The following NEK5 variants were observed in gnomAD, a reference collection of about 807,000 sequenced individuals.
NEK5 encodes serine/threonine-protein kinase Nek5.
NEK5 carries 88 observed loss-of-function variants against 109.2 expected under a neutral mutation model. The ratio of observed to expected loss-of-function variants is 0.81; its 90% CI spans 0.68 to 0.96. The LOEUF is 0.96. NEK5 is among the 40% of genes least tolerant of loss of function. The pLI is 0.00. For missense variants in NEK5, 834 were observed against 920.7 expected (o/e 0.91, Z 1.22); for synonymous variants, 283 against 299.9 (o/e 0.94, Z 0.58).
At chr13:52,064,402 G>A (rs1351745152) in intron 21 of NEK5, among the ~76,000 whole-genome samples, 1 of 145,728 alleles carries the variant, frequency 6.9e-6, no homozygotes, top group African/African-American at 2.5e-5. Context: ...GGGAGGTGGG[G>A]GAGCCAGCCC....
At chr13:52,080,240 C>A (rs1255939621) in intron 17 of NEK5, among the ~76,000 whole-genome samples, 6 of 139,952 alleles carry the variant, frequency 4.3e-5, no homozygotes, top group Middle Eastern at 7.8e-3. Flanking sequence ...CCCCGCCCGG[C>A]CAGCCGCCCC....
intron 17 of NEK5, among the ~76,000 whole-genome samples, chr13:52,077,024 G>A (rs1230905740): frequency 6.6e-6 from 1 of 152,240 alleles, no homozygotes; most frequent in Non-Finnish European, 1.5e-5. Context: ...AATGAGTAGG[G>A]AGTGAGAGTA....
At chr13:52,087,205 C>T (rs1249840989) in intron 15 of NEK5, 133 bp downstream of exon 15, 1 of 513,556 alleles carries the variant, frequency 1.9e-6, no homozygotes. Context: ...AACTCTGTAT[C>T]CCCTATAACA....
intron 9 of NEK5, 116 bp from the exon 10 acceptor site, chr13:52,102,408 G>A: frequency 1.2e-6 from 1 of 855,458 alleles, no homozygotes; most frequent in Non-Finnish European, 1.9e-6. Flanking sequence ...TTAAATTGTA[G>A]TTAGAAGCAC....
chr13:52,083,226 G>C (rs535639506), intron 17 of NEK5, 34 bp downstream of exon 17: 1 of 1,419,734 alleles, frequency 7.0e-7, no homozygotes, highest in Admixed American at 1.7e-5. Flanking sequence ...CACACACACT[G>C]CAAGCACACA....
intron 22 of NEK5, among the ~76,000 whole-genome samples, chr13:52,052,390 C>T (rs929658866): frequency 3.9e-5 from 6 of 152,164 alleles, no homozygotes; most frequent in African/African-American, 1.4e-4. Flanking sequence ...GATTGAAAGA[C>T]AGGTTTGAAC....
chr13:52,093,073 C>A lies in NEK5; in HGVS notation c.1189G>T (p.Gly397Cys). Residue 397 changes from glycine (G) to cysteine (C), a missense_variant, in exon 13 of 24, where the codon GGT becomes TGT. By Grantham distance (159) the Gly-to-Cys change is radical (BLOSUM62 -3). Coordinates refer to ENST00000684899, the MANE Select transcript of NEK5 (RefSeq NM_001365552.1). ...TATTACCATTGACTTGGGGATGGAC[C>A]ATGCCTCGTTTCCTGACCGTAATCC... ...VEDYGQETRH[G>C]PSPSQWPAEY... 1 of 1,612,806 alleles carries A rather than the reference C, an allele frequency of 6.2e-7. No homozygotes were observed.
chr13:52,119,751 A>G (rs1955934011), intron 3 of NEK5, among the ~76,000 whole-genome samples: 1 of 152,216 alleles, frequency 6.6e-6, no homozygotes, highest in African/African-American at 2.4e-5. Context: ...TCTTTATAAA[A>G]ATGCAACATT....
chr13:52,071,833 A>G, intron 20 of NEK5, 111 bp downstream of exon 20: 1 of 915,974 alleles, frequency 1.1e-6, no homozygotes, highest in Non-Finnish European at 1.8e-6. Flanking sequence ...TAGAGAGGGC[A>G]GAAAGGGGTC....
intron 8 of NEK5, 56 bp from the exon 9 acceptor site, chr13:52,104,608 CT>C: frequency 8.1e-7 from 1 of 1,230,292 alleles, no homozygotes; most frequent in Non-Finnish European, 1.2e-6. Flanking sequence ...TTAATAAAAG[CT>C]TTTATCCTTA....
At position 52,089,268 on chromosome 13, in the gene NEK5, C is replaced by A; in HGVS notation, c.1254G>T (p.Lys418Asn). The A allele has an allele frequency of 6.2e-7, 1 of 1,605,702 alleles. No homozygotes were observed. Among genetic ancestry groups the A allele is most frequent in the Non-Finnish European group, 8.5e-7 (1 of 1,172,738 alleles). The change falls in exon 14 of 24, where the codon AAG becomes AAT. Residue 418 changes from lysine to asparagine, a missense_variant. Coordinates refer to ENST00000684899, the MANE Select transcript of NEK5 (RefSeq NM_001365552.1). Reference sequence around the variant, plus strand: ...TTACCAATTGCTTCTCCACTTTCAACTTATATTGTTGAGCTTCAAATTTTC... The same window carrying A: ...TTACCAATTGCTTCTCCACTTTCAAATTATATTGTTGAGCTTCAAATTTTC... Reference protein sequence around the residue: ...LQRKFEAQQYKLKVEKQLGLR... With the variant: ...LQRKFEAQQYNLKVEKQLGLR...
intron 13 of NEK5, among the ~76,000 whole-genome samples, chr13:52,092,212 C>T (rs781134822): frequency 1.1e-4 from 17 of 150,370 alleles, no homozygotes; most frequent in Non-Finnish European, 2.2e-4. Context: ...TCTATCAACA[C>T]ATTTATTGCT....
intron 8 of NEK5, among the ~76,000 whole-genome samples, chr13:52,106,100 T>G (rs1002735936): frequency 6.6e-5 from 10 of 151,914 alleles, no homozygotes; most frequent in Non-Finnish European, 1.5e-4. Context: ...CTGAACAGCC[T>G]ACTTTCCGTC....
At chr13:52,054,505 T>A (rs1478225403) in intron 22 of NEK5, among the ~76,000 whole-genome samples, 1 of 152,018 alleles carries the variant, frequency 6.6e-6, no homozygotes, top group African/African-American at 2.4e-5. Flanking sequence ...ATAATTAGGT[T>A]TTCCAAAAAG....
intron 12 of NEK5, among the ~76,000 whole-genome samples, chr13:52,095,521 T>A (rs1955390481): frequency 6.6e-6 from 1 of 152,362 alleles, no homozygotes; most frequent in African/African-American, 2.4e-5. Flanking sequence ...ATCTTTTAGA[T>A]GTGTTTTCCC....
At chr13:52,042,816 G>A (rs971508049) in intron 23 of NEK5, among the ~76,000 whole-genome samples, 1 of 151,584 alleles carries the variant, frequency 6.6e-6, no homozygotes, top group Non-Finnish European at 1.5e-5. Context: ...TATTATGGGG[G>A]GAAAATTAAT....
At chr13:52,079,657 C>A (rs61957210) in intron 17 of NEK5, among the ~76,000 whole-genome samples, 1,586 of 92,110 alleles carry the variant, frequency 0.017, no homozygotes, top group South Asian at 0.031. Flanking sequence ...CTACAACCTC[C>A]ACCTCCCACC....
At chr13:52,120,045 C>G (rs1232419122) in intron 3 of NEK5, among the ~76,000 whole-genome samples, 9 of 152,140 alleles carry the variant, frequency 5.9e-5, no homozygotes, top group Non-Finnish European at 1.3e-4. Context: ...GCTGACTTGT[C>G]ATTTCTACCC....
At position 52,064,859 on chromosome 13, in the gene NEK5, A is replaced by G. The variant is rs564780846; in HGVS notation, c.1975+625T>C. The G allele has an allele frequency of 3.8e-5, 10 of 265,112 alleles. No individual in the cohort carries two copies. In the South Asian group the frequency reaches 4.0e-4, roughly 11 times the overall value. The allele number at this position is 265,112 out of a possible 1,614,324, so 16.4% of individuals were successfully genotyped here. On this transcript the variant is annotated intron_variant, in intron 21 of 23. Transcript: ENST00000684899. ...GCTCTCTGAAACATGTGCTGTGTCC[A>G]CTCAGAGATGAATGGATTAAGGGCA...
Sources: gnomAD v4.1 joint callset for allele counts (sites outside exome capture counted in the v4.1 genomes callset) on GRCh38, gnomAD v4.1.1 for gene constraint, MANE v1.5 for transcripts, NCBI Gene and HGNC (gene_info 2026-07-23, HGNC 2026-07-21) for gene names.